FARP1: variants seen among roughly 807,000 people sequenced by gnomAD.
FARP1 encodes the protein FERM, ARHGEF and pleckstrin domain-containing protein 1.
Under a neutral mutation model 128.8 loss-of-function variants are expected in FARP1, and 52 were observed. That is an observed-to-expected ratio of 0.40 (90% confidence interval 0.32 to 0.51). The LOEUF is 0.51. FARP1 is among the 20% of genes least tolerant of loss of function. The pLI is 0.45. For synonymous variants in FARP1, 580 were observed against 551.8 expected (o/e 1.05, Z -0.72); for missense variants, 1,333 against 1,367.9 (o/e 0.97, Z 0.40).
intron 17 of FARP1, among the ~76,000 whole-genome samples, chr13:98,425,021 A>G (rs1203137810): frequency 1.3e-5 from 2 of 152,160 alleles, no homozygotes; most frequent in Non-Finnish European, 2.9e-5. Flanking sequence ...GTCTAATCTA[A>G]GGCACATCAG....
intron 13 of FARP1, chr13:98,397,900 G>C (rs1159055705): frequency 1.2e-5 from 1 of 84,582 alleles, no homozygotes; most frequent in South Asian, 3.4e-4. Flanking sequence ...TTTTTTTTTT[G>C]AAAAAAAAAA....
chr13:98,165,998 G>T (rs1032017936), intron 1 of FARP1, among the ~76,000 whole-genome samples: 2 of 152,046 alleles, frequency 1.3e-5, no homozygotes, highest in African/African-American at 4.8e-5. Flanking sequence ...GGGATTACAG[G>T]TGTGAGCCAC....
At chr13:98,368,279 C>T in intron 5 of FARP1, 84 bp downstream of exon 5, 1 of 980,362 alleles carries the variant, frequency 1.0e-6, no homozygotes. Context: ...ATGACACAAA[C>T]ATTTTCATAA....
At chr13:98,435,905 G>A in intron 19 of FARP1, 199 bp downstream of exon 19, 1 of 682,514 alleles carries the variant, frequency 1.5e-6, no homozygotes, top group Non-Finnish European at 2.7e-6. Context: ...GCAATCCTCT[G>A]ACCTCATATT....
intron 1 of FARP1, among the ~76,000 whole-genome samples, chr13:98,170,408 G>T (rs2139161490): frequency 6.6e-6 from 1 of 152,302 alleles, no homozygotes; most frequent in South Asian, 2.1e-4. Context: ...CCAGGCTGGA[G>T]TGCAATGGCG....
At chr13:98,437,846 G>A in intron 19 of FARP1, 1 of 1,597,016 alleles carries the variant, frequency 6.3e-7, no homozygotes, top group Non-Finnish European at 8.5e-7. Flanking sequence ...GGAGGCCATT[G>A]TTATTAGTAA....
intron 2 of FARP1, among the ~76,000 whole-genome samples, chr13:98,311,374 C>CTAGCA (rs1886453019): frequency 6.6e-6 from 1 of 152,218 alleles, no homozygotes; most frequent in Admixed American, 6.5e-5. Context: ...TGCCAAAGTA[C>CTAGCA]TAGCAGGTCT....
rs141879494 is a variant in FARP1 at position 98,193,246 on chromosome 13, C to G, written c.-23-19974C>G. On this transcript the variant is annotated intron_variant, in intron 1 of 26. Coordinates refer to ENST00000319562, the MANE Select transcript of FARP1 (RefSeq NM_005766.4). ...CTAATTTTTGTATTTTTAGTAGAGA[C>G]AGGGTTTCACCATATTGGCCAGACT... is the stretch of plus-strand genomic sequence containing the variant. 4.8e-3 allele frequency among the ~76,000 whole-genome samples: 724 copies of G among 152,246 alleles called. 4 individuals are homozygous for G. The highest frequency in any genetic ancestry group is 0.016 in the African/African-American group (671 of 41,568).
chr13:98,348,524 C>T (rs530452515), intron 3 of FARP1, among the ~76,000 whole-genome samples: 10 of 152,338 alleles, frequency 6.6e-5, no homozygotes, highest in South Asian at 2.1e-4. Context: ...AAACTGGACA[C>T]GGAAGCCTGA....
chr13:98,425,528 G>A (rs1297944173), intron 17 of FARP1: 1 of 152,424 alleles, frequency 6.6e-6, no homozygotes, highest in Admixed American at 6.5e-5. Context: ...CCAAGTAGCT[G>A]GGACTACAGG....
chr13:98,411,437 C>G (rs1305582035), intron 15 of FARP1, among the ~76,000 whole-genome samples: 2 of 152,136 alleles, frequency 1.3e-5, no homozygotes. Context: ...ACCCAGCTCA[C>G]CTCAGCGACA....
chr13:98,440,824 C>A lies in FARP1; in HGVS notation c.2784C>A (p.Ser928Arg). ...RNTSVSMVDF[S>R]IAVENQLSGN... The stretch of plus-strand genomic sequence containing the variant: ...CCAGCGTCTCCATGGTGGACTTCAG[C>A]ATCGCAGTGGAGGTACGCAGGGGCA... Residue 928 changes from serine to arginine, a missense_variant, in exon 24 of 27, where the codon AGC (serine) becomes AGA (arginine). Coordinates refer to ENST00000319562, the MANE Select transcript of FARP1 (RefSeq NM_005766.4). 6.2e-7 allele frequency: 1 copy of A among 1,607,896 alleles called. No homozygotes were observed. The highest frequency in any genetic ancestry group is 8.5e-7 in the Non-Finnish European group (1 of 1,177,996).
In FARP1 at chr13:98,291,965, G is replaced by A. The variant is rs73558556; in HGVS notation, c.172-51797G>A. On this transcript the variant is annotated intron_variant, in intron 2 of 26. Transcript: ENST00000319562. ...CCTTGGTGGGGAAACAATAGCTTCT[G>A]TGTTCTTCACAAGAACCTCTTTGGA... 4.0e-3 allele frequency among the ~76,000 whole-genome samples: 603 copies of A among 152,340 alleles called. 4 individuals are homozygous for A. The highest frequency in any genetic ancestry group is 0.014 in the African/African-American group (578 of 41,576).
intron 5 of FARP1, among the ~76,000 whole-genome samples, chr13:98,375,481 C>G (rs1889541754): frequency 6.6e-6 from 1 of 152,226 alleles, no homozygotes; most frequent in African/African-American, 2.4e-5. Context: ...ACCCTTTCCT[C>G]TGGCCAGGCA....
intron 2 of FARP1, among the ~76,000 whole-genome samples, chr13:98,265,863 A>G (rs987025630): frequency 6.6e-6 from 1 of 152,124 alleles, no homozygotes; most frequent in South Asian, 2.1e-4. Flanking sequence ...GAGGCAGCTG[A>G]TATAAGTGCC....
intron 2 of FARP1, among the ~76,000 whole-genome samples, chr13:98,273,264 G>T (rs763788924): frequency 1.3e-5 from 2 of 152,176 alleles, no homozygotes; most frequent in African/African-American, 4.8e-5. Context: ...AGATAAGGAC[G>T]TCTGTTAACC....
chr13:98,377,981 GA>G, intron 6 of FARP1, 63 bp downstream of exon 6: 5 of 1,231,448 alleles, frequency 4.1e-6, no homozygotes, highest in South Asian at 2.5e-5. Flanking sequence ...TGATTGATGG[GA>G]AAAAAATCAC....
intron 19 of FARP1, chr13:98,436,046 T>A (rs1892255917): frequency 1.5e-5 from 5 of 333,928 alleles, no homozygotes; most frequent in South Asian, 2.8e-5. Flanking sequence ...AAAAAAAAAA[T>A]TAGGTAAATA....
At chr13:98,286,190 A>G (rs1885158791) in intron 2 of FARP1, among the ~76,000 whole-genome samples, 1 of 152,044 alleles carries the variant, frequency 6.6e-6, no homozygotes, top group South Asian at 2.1e-4. Context: ...CCAAGCAGTC[A>G]CCAGATCTTG....
Sources: gnomAD v4.1 joint callset for allele counts (sites outside exome capture counted in the v4.1 genomes callset) on GRCh38, gnomAD v4.1.1 for gene constraint, MANE v1.5 for transcripts, NCBI Gene and HGNC (gene_info 2026-07-23, HGNC 2026-07-21) for gene names.